ZNF444: variants seen among roughly 807,000 people sequenced by gnomAD.
The protein encoded by ZNF444 is endothelial zinc finger protein 2.
Under a neutral mutation model 14.4 loss-of-function variants are expected in ZNF444, and 8 were observed. That is an observed-to-expected ratio of 0.56 (90% confidence interval 0.33 to 1.00). The LOEUF is 1.00. ZNF444 is among the 50% of genes least tolerant of loss of function. ZNF444 has a pLI of 0.03. For missense variants in ZNF444, 510 were observed against 504.8 expected, an observed-to-expected ratio of 1.01 and a Z score of -0.10; for synonymous variants, 258 against 235.9, an observed-to-expected ratio of 1.09 and a Z score of -0.86.
chr19:56,141,701 C>T (rs2030829714), intron 1 of ZNF444: 1 of 144,254 alleles, frequency 6.9e-6, no homozygotes, highest in Non-Finnish European at 1.5e-5. Flanking sequence ...GGAAGGGGAC[C>T]CTAGCAGAGG....
At position 56,160,632 on chromosome 19, in the gene ZNF444, TTGG is replaced by T. The variant is rs2032237829; in HGVS notation, c.*434_*436del. On this transcript the variant is annotated 3_prime_UTR_variant, in exon 5 of 5. Transcript: ENST00000337080. ...GAGCTCGGGCGCAGGCCAGGCCCCC[TTGG>T]TGAAGCAGAGGCTGAAGGAAAGGGG... The T allele has an allele frequency of 5.7e-6, 1 of 174,348 alleles. No homozygotes were observed. Among genetic ancestry groups the T allele is most frequent in the Non-Finnish European group, 1.2e-5 (1 of 83,444 alleles). 10.8% of individuals were successfully genotyped at this position (174,348 alleles called of 1,614,324 possible).
intron 1 of ZNF444, chr19:56,142,143 G>C (rs960531481): frequency 6.6e-6 from 1 of 152,122 alleles, no homozygotes; most frequent in African/African-American, 2.4e-5. Flanking sequence ...ATTTTAATCT[G>C]CGTGCGTGTT....
chr19:56,159,903 A>ACCCCGGCAG lies in ZNF444; in HGVS notation c.702_710dup (p.Ser235_Gly237dup), dbSNP rs60359254. The ACCCCGGCAG allele has an allele frequency of 3.3e-3, 5,004 of 1,514,884 alleles. 98 individuals are homozygous for ACCCCGGCAG. The African/African-American group carries it at 0.049, about 15-fold the overall frequency. The allele number at this position is 1,514,884 out of a possible 1,614,324, so 93.8% of individuals were successfully genotyped here. A position where few individuals can be genotyped will look rare whatever the true frequency, so the allele number is the denominator to read the frequency against. On this transcript the variant is annotated inframe_insertion, in exon 5 of 5. Transcript: ENST00000337080. ...CACCTGCGGCGCCACCGCGACACGC[A>ACCCCGGCAG]CCCCGGCAGCCCCGGCAGCCCCGGG...
intron 1 of ZNF444, among the ~76,000 whole-genome samples, chr19:56,134,275 G>T (rs1031034959): frequency 6.6e-6 from 1 of 152,146 alleles, no homozygotes; most frequent in Non-Finnish European, 1.5e-5. Context: ...CAAAGGAGCC[G>T]AGAAGCTAGA....
chr19:56,139,365 G>A (rs1335517550), upstream of ZNF444, among the ~76,000 whole-genome samples: 1 of 152,082 alleles, frequency 6.6e-6, no homozygotes, highest in Non-Finnish European at 1.5e-5. Flanking sequence ...AATAGGACCT[G>A]ATGATAGATT....
intron 3 of ZNF444, chr19:56,154,980 G>A (rs2031817657): frequency 6.6e-6 from 1 of 152,232 alleles, no homozygotes; most frequent in Admixed American, 6.5e-5. Context: ...TTCCAAGCTG[G>A]GTGACCTTGG....
At chr19:56,158,280 T>A (rs942141923) in intron 3 of ZNF444, 47 of 479,756 alleles carry the variant, frequency 9.8e-5, no homozygotes, top group Non-Finnish European at 1.1e-4. Context: ...TGAAGGTTGG[T>A]GGCTTCAAGA....
intron 1 of ZNF444, chr19:56,143,409 G>C (rs955253567): frequency 6.6e-6 from 1 of 152,236 alleles, no homozygotes; most frequent in African/African-American, 2.4e-5. Flanking sequence ...TTTTATAGCA[G>C]AGCAGGCATC....
At chr19:56,157,010 C>T (rs1010961319) in intron 3 of ZNF444, 6 of 152,440 alleles carry the variant, frequency 3.9e-5, no homozygotes, top group Admixed American at 6.5e-5. Flanking sequence ...GCTCCACTCT[C>T]AGGTGTGTCA....
intron 1 of ZNF444, among the ~76,000 whole-genome samples, chr19:56,135,179 C>T (rs560755946): frequency 1.9e-4 from 29 of 151,992 alleles, no homozygotes; most frequent in Non-Finnish European, 4.1e-4. Flanking sequence ...TGCTGTGAGC[C>T]GAGATCGCGC....
At chr19:56,150,306 AT>A in intron 3 of ZNF444, 1 of 237,338 alleles carries the variant, frequency 4.2e-6, no homozygotes. Flanking sequence ...ATAAAAAAAA[AT>A]CTTCCATTCG....
chr19:56,135,684 C>A (rs902931545), intron 1 of ZNF444, among the ~76,000 whole-genome samples: 40 of 151,828 alleles, frequency 2.6e-4, no homozygotes, highest in African/African-American at 8.5e-4. Context: ...CCCAGCAAAT[C>A]TGCCTTCAGG....
intron 3 of ZNF444, among the ~76,000 whole-genome samples, chr19:56,150,721 A>G (rs1166603828): frequency 6.6e-6 from 1 of 152,002 alleles, no homozygotes; most frequent in Non-Finnish European, 1.5e-5. Context: ...ACGGTGGTGT[A>G]TAGACAGCTG....
In ZNF444 at chr19:56,146,890, G is replaced by C; in HGVS notation, c.-22G>C. The C allele has an allele frequency of 7.2e-7, 1 of 1,389,220 alleles. No homozygotes were observed. Among genetic ancestry groups the C allele is most frequent in the Non-Finnish European group, 9.3e-7 (1 of 1,080,222 alleles). The allele number at this position is 1,389,220 out of a possible 1,614,324, so 86.1% of individuals were successfully genotyped here. A position where few individuals can be genotyped will look rare whatever the true frequency, so the allele number is the denominator to read the frequency against. ...GGTCTCACCGGCTTGTTCCCTGCAGGCGCTGCGGTCCGGGAGGCCCCATGG... is the reference window on the plus strand; with the variant it reads ...GGTCTCACCGGCTTGTTCCCTGCAGCCGCTGCGGTCCGGGAGGCCCCATGG... On this transcript the variant is annotated splice_region_variant and 5_prime_UTR_variant, in exon 3 of 5. Transcript: ENST00000337080.
chr19:56,153,907 T>A (rs1051878085), intron 3 of ZNF444, among the ~76,000 whole-genome samples: 1 of 152,164 alleles, frequency 6.6e-6, no homozygotes, highest in Non-Finnish European at 1.5e-5. Flanking sequence ...CTCAGAAGAT[T>A]AGCAGAGGAC....
chr19:56,147,699 CT>C lies in ZNF444; in HGVS notation c.297+492del, dbSNP rs1324897708. 2.0e-5 allele frequency among the ~76,000 whole-genome samples: 3 copies of C among 152,144 alleles called. No individual in the cohort carries two copies. Among genetic ancestry groups the C allele is most frequent in the Non-Finnish European group, 4.4e-5 (3 of 68,000 alleles). On this transcript the variant is annotated intron_variant, in intron 3 of 4. Transcript: ENST00000337080. This position sits in a 1 kb window ranked among gnomAD's most constrained non-coding sequence, Gnocchi z 5.9. ...GCCCCCTGAAAGTCAAGGATACCCC[CT>C]GGTCCAAACTCTACCCCAAATTCAT...
In ZNF444 at chr19:56,160,420, C is replaced by T. The variant is rs373873984; in HGVS notation, c.*219C>T. 5.6e-5 allele frequency: 27 copies of T among 482,140 alleles called. No individual in the cohort carries two copies. The highest frequency in any genetic ancestry group is 5.4e-4 in the Middle Eastern group (1 of 1,864). The allele number at this position is 482,140 out of a possible 1,614,324, so 29.9% of individuals were successfully genotyped here. On this transcript the variant is annotated 3_prime_UTR_variant, in exon 5 of 5. Coordinates refer to ENST00000337080, the MANE Select transcript of ZNF444 (RefSeq NM_018337.4). ...TTCTCAGGTCTCACCTCAGCCCCCCCCTTCTCCCTGATTTCTCGGCCTCTC... is the reference window on the plus strand; with the variant it reads ...TTCTCAGGTCTCACCTCAGCCCCCCTCTTCTCCCTGATTTCTCGGCCTCTC...
intron 3 of ZNF444, chr19:56,156,424 T>C (rs147357802): frequency 6.6e-6 from 1 of 152,330 alleles, no homozygotes; most frequent in East Asian, 1.9e-4. Flanking sequence ...GCAAGGCCTG[T>C]GTGTTCAGAC....
Position 56,159,614 on chromosome 19 carries a change from C to G in ZNF444, c.407-10C>G. 1 of 1,428,742 alleles carries G rather than the reference C, an allele frequency of 7.0e-7. No individual in the cohort carries two copies. The highest frequency in any genetic ancestry group is 9.1e-7 in the Non-Finnish European group (1 of 1,095,812). 88.5% of individuals were successfully genotyped at this position (1,428,742 alleles called of 1,614,324 possible). On this transcript the variant is annotated splice_polypyrimidine_tract_variant and intron_variant, in intron 4 of 4. Transcript: ENST00000337080. Reference sequence around the variant, plus strand: ...GCCGACCCAGATGCTGACTCTCTTTCTTTTCCCAGCAGGCACCGCCCCTGG... The same window carrying G: ...GCCGACCCAGATGCTGACTCTCTTTGTTTTCCCAGCAGGCACCGCCCCTGG...
Sources: allele counts gnomAD v4.1 joint callset (sites outside exome capture counted in the v4.1 genomes callset), GRCh38; gene constraint gnomAD v4.1.1; non-coding constraint Gnocchi (gnomAD v3.1); transcripts MANE v1.5; gene names NCBI Gene and HGNC (gene_info 2026-07-23, HGNC 2026-07-21).